The following LOC400499 variants were observed in gnomAD, a reference collection of about 807,000 sequenced individuals.
At chr16:11,410,034 C>T in the LOC400499 span, among the ~76,000 whole-genome samples, 13 of 152,202 alleles carry the variant, frequency 8.5e-5, no homozygotes, top group Non-Finnish European at 1.6e-4. Context: ...GTCCCAGCTA[C>T]TCCAGAGGCT....
At chr16:11,455,401 A>G in the LOC400499 span, among the ~76,000 whole-genome samples, 9 of 152,162 alleles carry the variant, frequency 5.9e-5, no homozygotes, top group East Asian at 1.5e-3. Context: ...AACAGAAAAA[A>G]TGGCTAAAAG....
At chr16:11,515,875 A>ACCCC in the LOC400499 span, 1 of 14,008 alleles carries the variant, frequency 7.1e-5, no homozygotes, top group East Asian at 5.6e-4. Flanking sequence ...AGCCCAGCCC[A>ACCCC]GCCCAGCCCA....
chr16:11,512,116 C>A, the LOC400499 span, among the ~76,000 whole-genome samples: 1 of 151,438 alleles, frequency 6.6e-6, no homozygotes, highest in Non-Finnish European at 1.5e-5. Flanking sequence ...AACCCCATCA[C>A]TACTAAAAAC....
the LOC400499 span, among the ~76,000 whole-genome samples, chr16:11,382,076 A>G: frequency 6.6e-6 from 1 of 151,980 alleles, no homozygotes; most frequent in African/African-American, 2.4e-5. Context: ...TGCTGGGATT[A>G]CAGGAGCCCG....
At chr16:11,402,810 G>A in the LOC400499 span, among the ~76,000 whole-genome samples, 2 of 152,094 alleles carry the variant, frequency 1.3e-5, no homozygotes, top group Non-Finnish European at 2.9e-5. Flanking sequence ...GCTGAGTTTC[G>A]GAATACTTTG....
chr16:11,388,499 A>G, the LOC400499 span, among the ~76,000 whole-genome samples: 3 of 152,190 alleles, frequency 2.0e-5, no homozygotes, highest in African/African-American at 7.2e-5. Context: ...GCATGGAAGA[A>G]GGAGCTGCCT....
At chr16:11,374,524 TTC>T in the LOC400499 span, among the ~76,000 whole-genome samples, 2 of 152,188 alleles carry the variant, frequency 1.3e-5, no homozygotes, top group African/African-American at 4.8e-5. Context: ...CCACTGTACT[TTC>T]TGTCTCTATG....
the LOC400499 span, chr16:11,393,379 G>T: frequency 8.1e-7 from 1 of 1,232,178 alleles, no homozygotes; most frequent in Non-Finnish European, 1.0e-6. Context: ...CTGGGACCCA[G>T]CTGCCACTCA....
At chr16:11,396,923 G>A in the LOC400499 span, among the ~76,000 whole-genome samples, 4 of 152,140 alleles carry the variant, frequency 2.6e-5, no homozygotes, top group South Asian at 2.1e-4. Context: ...GTGCTGCCCC[G>A]TGTTCCTCAA....
At chr16:11,383,389 C>A in the LOC400499 span, among the ~76,000 whole-genome samples, 17,673 of 152,154 alleles carry the variant, frequency 0.12, 1,357 homozygotes, top group Middle Eastern at 0.22. Flanking sequence ...TTTTAAACAA[C>A]CTGCTCTCAT....
chr16:11,523,066 C>T, the LOC400499 span, among the ~76,000 whole-genome samples: 1 of 152,206 alleles, frequency 6.6e-6, no homozygotes, highest in Non-Finnish European at 1.5e-5. Context: ...TTCTCTCTTT[C>T]CAAAGAATTT....
chr16:11,384,081 G>C, the LOC400499 span: 2 of 1,230,912 alleles, frequency 1.6e-6, no homozygotes, highest in Non-Finnish European at 2.0e-6. Context: ...GGCCTCAGCA[G>C]GAGACTTCCC....
the LOC400499 span, chr16:11,514,543 C>T: frequency 1.3e-5 from 5 of 399,962 alleles, no homozygotes; most frequent in East Asian, 3.6e-5. Flanking sequence ...GGCCGGGCTG[C>T]GGACCAAGAG....
chr16:11,417,454 T>C, the LOC400499 span, among the ~76,000 whole-genome samples: 2 of 149,494 alleles, frequency 1.3e-5, no homozygotes, highest in Admixed American at 1.3e-4. Context: ...AGAAAACTAA[T>C]CCACCTGCCT....
At chr16:11,379,069 G>C in the LOC400499 span, among the ~76,000 whole-genome samples, 4 of 152,308 alleles carry the variant, frequency 2.6e-5, no homozygotes, top group South Asian at 8.3e-4. Flanking sequence ...TTCAAGAGCA[G>C]CCTGGACAAC....
the LOC400499 span, chr16:11,385,456 GCTC>G: frequency 7.4e-6 from 9 of 1,209,644 alleles, no homozygotes; most frequent in Non-Finnish European, 9.3e-6. Flanking sequence ...AGCGGGGCCA[GCTC>G]CACCCACCGC....
At chr16:11,454,792 T>G in the LOC400499 span, among the ~76,000 whole-genome samples, 1 of 152,204 alleles carries the variant, frequency 6.6e-6, no homozygotes, top group African/African-American at 2.4e-5. Flanking sequence ...TACTGAAAGA[T>G]GTACTCCATC....
chr16:11,447,903 G>A, the LOC400499 span: 1 of 1,523,700 alleles, frequency 6.6e-7, no homozygotes, highest in Non-Finnish European at 8.8e-7. Context: ...AACTTGCAGG[G>A]GTGTCAGCTG....
the LOC400499 span, among the ~76,000 whole-genome samples, chr16:11,492,867 G>A: frequency 6.6e-6 from 1 of 152,128 alleles, no homozygotes; most frequent in East Asian, 1.9e-4. Flanking sequence ...AGGGGGACCT[G>A]GGAGGTTCAA....
Sources: allele counts gnomAD v4.1 joint callset (sites outside exome capture counted in the v4.1 genomes callset), GRCh38; gene constraint gnomAD v4.1.1; transcripts MANE v1.5.